RNF216: variants seen among roughly 807,000 people sequenced by gnomAD.
RNF216 encodes the protein E3 ubiquitin-protein ligase RNF216.
Under a neutral mutation model 110.8 loss-of-function variants are expected in RNF216, and 72 were observed. That is an observed-to-expected ratio of 0.65 (90% confidence interval 0.54 to 0.79). The LOEUF is 0.79. RNF216 is among the 30% of genes least tolerant of loss of function. The probability of loss-of-function intolerance (pLI) is 0.00; values close to 1 mark genes in which losing one functional copy is unlikely to be tolerated. For synonymous variants in RNF216, 495 were observed against 407.5 expected (o/e 1.21, Z -2.59); for missense variants, 1,342 against 1,141.2 (o/e 1.18, Z -2.54).
At chr7:5,688,830 AAT>A (rs1791147672) in intron 13 of RNF216, among the ~76,000 whole-genome samples, 1 of 152,058 alleles carries the variant, frequency 6.6e-6, no homozygotes, top group Non-Finnish European at 1.5e-5. Flanking sequence ...TGCTCTTAAT[AAT>A]ATGATACGAA....
chr7:5,759,634 T>TTC (rs1554264396), intron 2 of RNF216, among the ~76,000 whole-genome samples: 6 of 382 alleles, frequency 0.016, 2 homozygotes, highest in African/African-American at 0.049. Context: ...ATTTTTCTTC[T>TTC]TTTTTTTTTT....
At chr7:5,738,891 T>C (rs1011221718) in intron 5 of RNF216, among the ~76,000 whole-genome samples, 1 of 152,048 alleles carries the variant, frequency 6.6e-6, no homozygotes, top group Admixed American at 6.6e-5. Context: ...TTCCATAAAA[T>C]CCAGAAAACA....
At chr7:5,742,342 C>A (rs991356470) in intron 3 of RNF216, among the ~76,000 whole-genome samples, 1 of 152,008 alleles carries the variant, frequency 6.6e-6, no homozygotes, top group African/African-American at 2.4e-5. Context: ...CCACTGAACC[C>A]AGCCCTGAAT....
intron 2 of RNF216, among the ~76,000 whole-genome samples, chr7:5,754,765 C>T (rs1217910822): frequency 6.6e-6 from 1 of 152,104 alleles, no homozygotes; most frequent in Non-Finnish European, 1.5e-5. Context: ...CGGTGGCTCA[C>T]GCCTGTAATC....
chr7:5,739,615 A>T (rs1222931216), intron 4 of RNF216: 2 of 554,996 alleles, frequency 3.6e-6, no homozygotes, highest in African/African-American at 3.7e-5. Flanking sequence ...ACAAATATTG[A>T]GCATCTCTGT....
chr7:5,651,690 G>C (rs558020386), intron 14 of RNF216, among the ~76,000 whole-genome samples: 2 of 151,740 alleles, frequency 1.3e-5, no homozygotes, highest in Non-Finnish European at 2.9e-5. Context: ...CGCTCTGTTG[G>C]CAGGCTGGAG....
chr7:5,706,251 A>C (rs2128624779), intron 13 of RNF216, among the ~76,000 whole-genome samples: 1 of 151,904 alleles, frequency 6.6e-6, no homozygotes, highest in East Asian at 1.9e-4. Flanking sequence ...TGTGGTGAAA[A>C]CACACAATAC....
At chr7:5,660,035 AC>A (rs1789002713) in intron 13 of RNF216, among the ~76,000 whole-genome samples, 1 of 149,114 alleles carries the variant, frequency 6.7e-6, no homozygotes, top group African/African-American at 2.5e-5. Context: ...GCTCACTATA[AC>A]CTTGACCTCC....
intron 1 of RNF216, among the ~76,000 whole-genome samples, chr7:5,764,096 C>A (rs1796074441): frequency 1.3e-5 from 2 of 151,066 alleles, no homozygotes; most frequent in Non-Finnish European, 2.9e-5. Flanking sequence ...GAGGCTGAGG[C>A]AGGAGAATTG....
chr7:5,778,431 A>G (rs1473112565), intron 1 of RNF216, among the ~76,000 whole-genome samples: 1 of 152,192 alleles, frequency 6.6e-6, no homozygotes, highest in African/African-American at 2.4e-5. Context: ...TCATTTCTTC[A>G]AAGTACTTCC....
At chr7:5,747,997 G>T (rs1795128322) in intron 3 of RNF216, among the ~76,000 whole-genome samples, 1 of 151,996 alleles carries the variant, frequency 6.6e-6, no homozygotes, top group South Asian at 2.1e-4. Flanking sequence ...GGTTCAGGGT[G>T]ACTGGTATAG....
rs1225597940 is a variant in RNF216 at position 5,781,597 on chromosome 7, G to C, written c.-126C>G. On this transcript the variant is annotated 5_prime_UTR_variant, in exon 1 of 17. Coordinates refer to ENST00000389902, the MANE Select transcript of RNF216 (RefSeq NM_207111.4). ...GTTCGGCGGCCTTCGCTACCGCGCC[G>C]CTTACTCCTCAGAAGCCGCAGCTGC... is the stretch of plus-strand genomic sequence containing the variant. 3.3e-5 allele frequency: 5 copies of C among 152,390 alleles called. 1 individual carries two copies. In the East Asian group the frequency reaches 9.7e-4, roughly 29 times the overall value. 9.4% of individuals were successfully genotyped at this position (152,390 alleles called of 1,614,324 possible). A position where few individuals can be genotyped will look rare whatever the true frequency, so the allele number is the denominator to read the frequency against.
chr7:5,635,682 G>A (rs1261795372), intron 15 of RNF216, among the ~76,000 whole-genome samples: 1 of 152,154 alleles, frequency 6.6e-6, no homozygotes, highest in Non-Finnish European at 1.5e-5. Flanking sequence ...AATACTCCGA[G>A]GACAAATGAC....
At chr7:5,636,982 G>C (rs1002523936) in intron 15 of RNF216, among the ~76,000 whole-genome samples, 1 of 152,164 alleles carries the variant, frequency 6.6e-6, no homozygotes, top group South Asian at 2.1e-4. Flanking sequence ...AGAAAAAAGT[G>C]CTGAGAATAG....
intron 13 of RNF216, among the ~76,000 whole-genome samples, chr7:5,679,109 C>T (rs1327263262): frequency 6.6e-6 from 1 of 152,146 alleles, no homozygotes; most frequent in African/African-American, 2.4e-5. Context: ...TTATTGAGTG[C>T]TTATGGATGA....
intron 7 of RNF216, among the ~76,000 whole-genome samples, chr7:5,729,164 T>C (rs571147969): frequency 6.6e-6 from 1 of 152,306 alleles, no homozygotes; most frequent in African/African-American, 2.4e-5. Context: ...TTAGAATGCA[T>C]CTTTCACACT....
At chr7:5,736,638 C>T (rs76868457) in intron 5 of RNF216, among the ~76,000 whole-genome samples, 4 of 149,832 alleles carry the variant, frequency 2.7e-5, no homozygotes, top group Non-Finnish European at 4.4e-5. Flanking sequence ...AAGTGAGGAG[C>T]GCCTCTTCCC....
intron 13 of RNF216, among the ~76,000 whole-genome samples, chr7:5,664,296 G>A (rs776454316): frequency 6.6e-6 from 1 of 152,074 alleles, no homozygotes; most frequent in African/African-American, 2.4e-5. Context: ...GACCCTTTCA[G>A]GTTAATTCAT....
rs773290213 is a variant in RNF216, at chr7:5,761,042, C to T, written c.28G>A (p.Val10Ile). The change falls in exon 2 of 17, where the codon GTA becomes ATA. Residue 10 changes from valine (V) to isoleucine (I), a missense_variant. By Grantham distance (29) the Val-to-Ile change is conservative. Transcript: ENST00000389902. MEEGNNNEE[V>I]IHLNNFHCHR... is the part of the protein sequence containing the mutation. Reference sequence around the variant, plus strand: ...CAGTGAAAGTTGTTCAAGTGAATTACCTCTTCATTGTTGTTTCCCTCTTCC... The same window carrying T: ...CAGTGAAAGTTGTTCAAGTGAATTATCTCTTCATTGTTGTTTCCCTCTTCC... 2.5e-6 allele frequency: 4 copies of T among 1,586,114 alleles called. No individual in the cohort carries two copies. The highest frequency in any genetic ancestry group is 2.3e-5 in the East Asian group (1 of 43,876).
Sources: gnomAD v4.1 joint callset for allele counts (sites outside exome capture counted in the v4.1 genomes callset) on GRCh38, gnomAD v4.1.1 for gene constraint, MANE v1.5 for transcripts, NCBI Gene and HGNC (gene_info 2026-07-23, HGNC 2026-07-21) for gene names.